The following FAM107B variants were observed in gnomAD, a reference collection of about 807,000 sequenced individuals.
The protein encoded by FAM107B is protein FAM107B.
Under a neutral mutation model 31.5 loss-of-function variants are expected in FAM107B, and 21 were observed. The ratio of observed to expected loss-of-function variants is 0.67; its 90% confidence interval spans 0.47 to 0.96. The LOEUF is 0.96. Ranked by LOEUF, FAM107B falls within the 40% of genes least tolerant of loss-of-function variation. The pLI is 0.00. For missense variants in FAM107B, 452 were observed against 377.1 expected (o/e 1.20, Z -1.64); for synonymous variants, 157 against 141.5 (o/e 1.11, Z -0.78).
intron 2 of FAM107B, 86 bp from the exon 3 acceptor site, chr10:14,530,601 G>T: frequency 7.8e-7 from 1 of 1,277,452 alleles, no homozygotes; most frequent in Non-Finnish European, 1.1e-6. Context: ...GCTGTGCTCA[G>T]TATGCTAACA....
chr10:14,723,782 C>A, intron 1 of FAM107B: 1 of 757,962 alleles, frequency 1.3e-6, no homozygotes, highest in Admixed American at 1.7e-5. Flanking sequence ...CCAGTGGCAG[C>A]AGCAAACTTC....
intron 2 of FAM107B, among the ~76,000 whole-genome samples, chr10:14,598,398 A>C (rs1852256677): frequency 6.6e-6 from 1 of 152,220 alleles, no homozygotes; most frequent in Admixed American, 6.5e-5. Context: ...CAGTTCCGCC[A>C]CAAGCACGAG....
intron 3 of FAM107B, among the ~76,000 whole-genome samples, chr10:14,522,382 T>C (rs1248084515): frequency 6.7e-6 from 1 of 149,984 alleles, no homozygotes; most frequent in Non-Finnish European, 1.5e-5. Flanking sequence ...GGGCTCTGCA[T>C]GGAGGGGAGG....
intron 1 of FAM107B, among the ~76,000 whole-genome samples, chr10:14,769,799 C>G (rs1442513585): frequency 1.3e-5 from 2 of 152,228 alleles, no homozygotes; most frequent in African/African-American, 4.8e-5. Context: ...ATGGAACTTA[C>G]AACTGCTATA....
rs534688819 is a variant in FAM107B at position 14,546,530 on chromosome 10, A to G, written c.470-16015T>C. Among the ~76,000 whole-genome samples, 399 of 152,358 alleles carry G rather than the reference A, an allele frequency of 2.6e-3. 4 individuals carry two copies. Among genetic ancestry groups the G allele is most frequent in the African/African-American group, 9.3e-3 (387 of 41,580 alleles). On this transcript the variant is annotated intron_variant, in intron 2 of 4. Transcript: ENST00000181796. ...AGCTGATCACGTTTTAAGATAGTAC[A>G]GTCGTCATGATGATTTTTAAAGCTT...
intron 2 of FAM107B, among the ~76,000 whole-genome samples, chr10:14,618,042 C>A (rs752431309): frequency 6.6e-6 from 1 of 152,204 alleles, no homozygotes; most frequent in East Asian, 1.9e-4. Flanking sequence ...AATATTTCAC[C>A]ACCTAAAAAA....
chr10:14,628,112 G>GTTTTTTTTTGTTTTTTTTTTTGTTTT (rs58879328), intron 2 of FAM107B, among the ~76,000 whole-genome samples: 1 of 92,676 alleles, frequency 1.1e-5, no homozygotes, highest in Admixed American at 1.4e-4. Context: ...TGTTTTGCTG[G>GTTTTTTTTTGTTTTTTTTTTTGTTTT]TTTTTTTTTT....
At chr10:14,668,600 A>G (rs1056349920) in intron 1 of FAM107B, among the ~76,000 whole-genome samples, 1 of 152,228 alleles carries the variant, frequency 6.6e-6, no homozygotes, top group Admixed American at 6.5e-5. Context: ...ATAAATTAAG[A>G]GGAATATCTA....
At chr10:14,724,917 T>C (rs988809895) in intron 1 of FAM107B, among the ~76,000 whole-genome samples, 1 of 152,208 alleles carries the variant, frequency 6.6e-6, no homozygotes, top group African/African-American at 2.4e-5. Flanking sequence ...CATTTGAGAA[T>C]GAAGGCTCAA....
intron 1 of FAM107B, among the ~76,000 whole-genome samples, chr10:14,684,240 G>T (rs895545819): frequency 6.6e-6 from 1 of 152,158 alleles, no homozygotes; most frequent in Admixed American, 6.5e-5. Flanking sequence ...ATCACCTGAC[G>T]TCAGGAGTTC....
intron 2 of FAM107B, among the ~76,000 whole-genome samples, chr10:14,533,397 A>G (rs1489680090): frequency 3.9e-5 from 6 of 152,196 alleles, no homozygotes; most frequent in Admixed American, 2.0e-4. Context: ...TCAAGTTGCC[A>G]TGACGGGAGG....
chr10:14,773,574 A>C (rs1464143168), intron 1 of FAM107B, among the ~76,000 whole-genome samples: 5 of 152,258 alleles, frequency 3.3e-5, no homozygotes, highest in African/African-American at 1.2e-4. Context: ...ATCTAATCAG[A>C]ATACTCAACA....
chr10:14,687,962 G>T (rs939024215), intron 1 of FAM107B, among the ~76,000 whole-genome samples: 6 of 152,196 alleles, frequency 3.9e-5, no homozygotes, highest in South Asian at 2.1e-4. Context: ...TCTTGGGTTT[G>T]TCTGTAAGGG....
chr10:14,736,621 C>T (rs774897494), intron 1 of FAM107B, among the ~76,000 whole-genome samples: 1 of 152,152 alleles, frequency 6.6e-6, no homozygotes, highest in Non-Finnish European at 1.5e-5. Context: ...TAAATCAATG[C>T]TATTTTCTGA....
chr10:14,725,779 G>C (rs1166434350), intron 1 of FAM107B, among the ~76,000 whole-genome samples: 1 of 149,582 alleles, frequency 6.7e-6, no homozygotes, highest in Non-Finnish European at 1.5e-5. Context: ...AGAGGTTAAG[G>C]CTTCAACATA....
chr10:14,521,362 T>C (rs1845615514), intron 4 of FAM107B, 56 bp from the exon 5 acceptor site: 2 of 1,393,172 alleles, frequency 1.4e-6, no homozygotes, highest in Non-Finnish European at 2.0e-6. Context: ...CCTTTCAAAA[T>C]ACTCTTCTCT....
At chr10:14,612,625 T>A (rs577462689) in intron 2 of FAM107B, 1 of 152,348 alleles carries the variant, frequency 6.6e-6, no homozygotes, top group South Asian at 2.1e-4. Context: ...CTTCAGCCAT[T>A]TGCTATCATT....
At chr10:14,701,134 A>T (rs1380115143) in intron 1 of FAM107B, among the ~76,000 whole-genome samples, 2 of 152,232 alleles carry the variant, frequency 1.3e-5, no homozygotes, top group Admixed American at 6.5e-5. Context: ...GTTCTCTGAC[A>T]TTGACAGGGA....
chr10:14,566,690 G>C (rs1021332530), intron 2 of FAM107B, among the ~76,000 whole-genome samples: 4 of 152,220 alleles, frequency 2.6e-5, no homozygotes, highest in Non-Finnish European at 5.9e-5. Context: ...GTACAAGGCA[G>C]AAAGTAGAAC....
Sources: allele counts gnomAD v4.1 joint callset (sites outside exome capture counted in the v4.1 genomes callset), GRCh38; gene constraint gnomAD v4.1.1; transcripts MANE v1.5; gene names NCBI Gene and HGNC (gene_info 2026-07-23, HGNC 2026-07-21).